The following ZNF208 variants were observed in gnomAD, a reference collection of about 807,000 sequenced individuals.
ZNF208 encodes zinc finger protein 208.
ZNF208 carries 10 observed loss-of-function variants against 12.1 expected under a neutral mutation model. That is an observed-to-expected ratio of 0.83 (90% confidence interval 0.51 to 1.40). The LOEUF (loss-of-function observed/expected upper bound fraction) is 1.40. Ranked by LOEUF, ZNF208 falls within the 40% of genes most tolerant of loss-of-function variation. The pLI is 0.00. For missense variants in ZNF208, 1,652 were observed against 1,485.0 expected, an observed-to-expected ratio of 1.11 and a Z score of -1.85; for synonymous variants, 497 against 488.4, an observed-to-expected ratio of 1.02 and a Z score of -0.23.
intron 4 of ZNF208, among the ~76,000 whole-genome samples, chr19:21,953,578 A>G (rs775976631): frequency 1.3e-5 from 2 of 152,226 alleles, no homozygotes; most frequent in Non-Finnish European, 2.9e-5. Flanking sequence ...TAACTGAAGG[A>G]AAAATAAAAT....
At chr19:21,980,259 C>A (rs1233667553) in intron 3 of ZNF208, among the ~76,000 whole-genome samples, 2 of 151,000 alleles carry the variant, frequency 1.3e-5, no homozygotes, top group Non-Finnish European at 2.9e-5. Flanking sequence ...TGCCACAAAT[C>A]AACAGAATAT....
intron 1 of ZNF208, among the ~76,000 whole-genome samples, chr19:22,006,192 A>T (rs557335715): frequency 6.6e-6 from 1 of 152,300 alleles, no homozygotes; most frequent in African/African-American, 2.4e-5. Flanking sequence ...AGGGTAAAAC[A>T]TTCTCTGATC....
At position 21,971,279 on chromosome 19, in the gene ZNF208, G is replaced by C. The variant is rs1358231943; in HGVS notation, c.3755C>G (p.Pro1252Arg). ...TTTGCCACATTCTTCACATTTGTAG[G>C]GTTTCTCTCCAGTATGAATTACCTT... ...KHKVIHTGEK[P>R]YKCEECGKAF... The change falls in exon 4 of 4, where the codon CCC (proline) becomes CGC (arginine). Residue 1252 changes from proline (P) to arginine (R), a missense_variant. Transcript: ENST00000397126. 6.2e-7 allele frequency: 1 copy of C among 1,611,624 alleles called. No individual in the cohort carries two copies. Among genetic ancestry groups the C allele is most frequent in the Non-Finnish European group, 8.5e-7 (1 of 1,179,804 alleles).
chr19:21,951,576 T>G (rs528309620), intron 4 of ZNF208, among the ~76,000 whole-genome samples: 42 of 152,312 alleles, frequency 2.8e-4, no homozygotes, highest in African/African-American at 1.0e-3. Context: ...TTCCTTAAAA[T>G]TAAGCATTTA....
At chr19:21,961,886 G>A (rs1034698349), downstream of ZNF208, among the ~76,000 whole-genome samples, 2 of 152,018 alleles carry the variant, frequency 1.3e-5, no homozygotes, top group Non-Finnish European at 2.9e-5. Flanking sequence ...GTTTTTCAAG[G>A]TGCACTGATT....
intron 4 of ZNF208, among the ~76,000 whole-genome samples, chr19:21,960,311 A>C (rs1382820900): frequency 6.6e-6 from 1 of 152,168 alleles, no homozygotes; most frequent in African/African-American, 2.4e-5. Flanking sequence ...TAACCAAAAG[A>C]AGGCATAGAA....
Position 21,969,082 on chromosome 19 carries a change from G to A in ZNF208, c.*2109C>T, listed in dbSNP as rs1970226336. 6.6e-6 allele frequency among the ~76,000 whole-genome samples: 1 copy of A among 152,110 alleles called. No individual in the cohort carries two copies. The highest frequency in any genetic ancestry group is 1.5e-5 in the Non-Finnish European group (1 of 68,008). On this transcript the variant is annotated 3_prime_UTR_variant, in exon 4 of 4. Coordinates refer to ENST00000397126, the MANE Select transcript of ZNF208 (RefSeq NM_007153.3). ...GCCTGTAGTCCCAGCTAATTGGGAG[G>A]CTGAGGTGGGAGAATGGCATGAACC...
chr19:21,997,112 T>A (rs1970850882), intron 1 of ZNF208, among the ~76,000 whole-genome samples: 1 of 152,152 alleles, frequency 6.6e-6, no homozygotes, highest in Non-Finnish European at 1.5e-5. Flanking sequence ...GAACTCCACA[T>A]AACAGAACAG....
At chr19:21,947,531 C>T (rs552559694) in intron 4 of ZNF208, among the ~76,000 whole-genome samples, 3 of 152,284 alleles carry the variant, frequency 2.0e-5, no homozygotes, top group Admixed American at 1.3e-4. Flanking sequence ...AACTTACAGT[C>T]CCCCAATTAT....
intron 3 of ZNF208, among the ~76,000 whole-genome samples, chr19:21,983,769 G>A (rs184727773): frequency 1.1e-3 from 166 of 152,098 alleles, no homozygotes; most frequent in Non-Finnish European, 1.7e-3. Flanking sequence ...ACGAAACACA[G>A]CATGTTCTCA....
intron 3 of ZNF208, among the ~76,000 whole-genome samples, chr19:21,975,903 A>G (rs377561275): frequency 1.2e-4 from 11 of 94,392 alleles, no homozygotes; most frequent in East Asian, 1.2e-3. Context: ...CTAATGGGGG[A>G]AAAAAAACAA....
intron 3 of ZNF208, among the ~76,000 whole-genome samples, chr19:21,982,432 C>T (rs1445715681): frequency 2.0e-5 from 3 of 150,554 alleles, no homozygotes; most frequent in African/African-American, 4.9e-5. Flanking sequence ...AATGGCCATA[C>T]TGCCCAAGGT....
intron 1 of ZNF208, among the ~76,000 whole-genome samples, chr19:21,989,444 G>A (rs1224108726): frequency 6.6e-6 from 1 of 151,766 alleles, no homozygotes; most frequent in African/African-American, 2.4e-5. Flanking sequence ...AGTATTCCAT[G>A]GTATATATGT....
chr19:21,953,114 G>C (rs1487140212), intron 4 of ZNF208, among the ~76,000 whole-genome samples: 1 of 152,166 alleles, frequency 6.6e-6, no homozygotes, highest in Admixed American at 6.5e-5. Flanking sequence ...CAAGCTTAGA[G>C]AAAAAGAGAA....
At chr19:21,949,594 A>T (rs1969861675) in intron 4 of ZNF208, among the ~76,000 whole-genome samples, 1 of 152,172 alleles carries the variant, frequency 6.6e-6, no homozygotes, top group South Asian at 2.1e-4. Context: ...CCTAAAACTA[A>T]AAAGCCTTTA....
At chr19:21,958,047 T>C (rs2522104) in intron 4 of ZNF208, among the ~76,000 whole-genome samples, 118,170 of 151,694 alleles carry the variant, frequency 0.78, 46,766 homozygotes, top group African/African-American at 0.92. Flanking sequence ...CATGTGTTCT[T>C]ATTGTTCAAT....
At chr19:21,998,476 C>T (rs551716456) in intron 1 of ZNF208, 132 of 152,300 alleles carry the variant, frequency 8.7e-4, no homozygotes, top group Middle Eastern at 3.4e-3. Flanking sequence ...ATTCTTGTTG[C>T]CCTGGCTGGA....
At chr19:21,960,249 C>A (rs1304035558) in intron 4 of ZNF208, among the ~76,000 whole-genome samples, 1 of 151,840 alleles carries the variant, frequency 6.6e-6, no homozygotes, top group Non-Finnish European at 1.5e-5. Context: ...AATGTAATGG[C>A]CTTGATCCAA....
intron 1 of ZNF208, among the ~76,000 whole-genome samples, chr19:22,008,825 T>C (rs1474660532): frequency 2.6e-5 from 4 of 152,124 alleles, no homozygotes; most frequent in African/African-American, 9.7e-5. Context: ...CCTGCTCTCT[T>C]GAGAGGCTAC....
Sources: gnomAD v4.1 joint callset for allele counts (sites outside exome capture counted in the v4.1 genomes callset) on GRCh38, gnomAD v4.1.1 for gene constraint, MANE v1.5 for transcripts, NCBI Gene and HGNC (gene_info 2026-07-23, HGNC 2026-07-21) for gene names.